The following ATAD2B variants were observed in gnomAD, a reference collection of about 807,000 sequenced individuals.
The protein encoded by ATAD2B is ATPase family AAA domain-containing protein 2B.
Under a neutral mutation model 167.6 loss-of-function variants are expected in ATAD2B, and 40 were observed. The ratio of observed to expected loss-of-function variants is 0.24; its 90% CI spans 0.19 to 0.31. ATAD2B has a LOEUF of 0.31. ATAD2B is among the 10% of genes least tolerant of loss of function. The probability of loss-of-function intolerance (pLI) is 1.00; values close to 1 mark genes in which losing one functional copy is unlikely to be tolerated. For missense variants in ATAD2B, 1,242 were observed against 1,757.2 expected (o/e 0.71, Z 5.24); for synonymous variants, 579 against 596.5 (o/e 0.97, Z 0.43).
intron 1 of ATAD2B, among the ~76,000 whole-genome samples, chr2:23,901,999 T>C (rs1558766932): frequency 6.6e-6 from 1 of 152,228 alleles, no homozygotes; most frequent in Non-Finnish European, 1.5e-5. Context: ...CATTTGCATA[T>C]TCTACTGGCT....
intron 13 of ATAD2B, among the ~76,000 whole-genome samples, chr2:23,841,694 T>C (rs980768611): frequency 6.6e-6 from 1 of 152,106 alleles, no homozygotes; most frequent in African/African-American, 2.4e-5. Flanking sequence ...TTTTTTATTA[T>C]TTGTAGACAC....
intron 19 of ATAD2B, among the ~76,000 whole-genome samples, chr2:23,791,884 T>C (rs1681792835): frequency 1.3e-5 from 2 of 152,320 alleles, no homozygotes; most frequent in South Asian, 4.1e-4. Context: ...TCAATTCTTT[T>C]GAGTAAGTAC....
At chr2:23,744,012 C>T (rs897707260), downstream of ATAD2B, among the ~76,000 whole-genome samples, 4 of 152,130 alleles carry the variant, frequency 2.6e-5, no homozygotes, top group Non-Finnish European at 5.9e-5. Flanking sequence ...CATCATAGTA[C>T]ACTAAATAGT....
intron 21 of ATAD2B, among the ~76,000 whole-genome samples, chr2:23,783,625 TACAA>T (rs1283476686): frequency 2.0e-5 from 3 of 152,104 alleles, no homozygotes; most frequent in South Asian, 4.1e-4. Context: ...TAAAGAAATC[TACAA>T]ACAAACAAAC....
At chr2:23,756,262 G>T (rs1255956250) in intron 25 of ATAD2B, among the ~76,000 whole-genome samples, 2 of 151,920 alleles carry the variant, frequency 1.3e-5, no homozygotes, top group Admixed American at 6.6e-5. Context: ...AAATATTGAA[G>T]AATAAGACAA....
At chr2:23,915,539 G>A (rs1430402579) in intron 1 of ATAD2B, among the ~76,000 whole-genome samples, 2 of 147,198 alleles carry the variant, frequency 1.4e-5, no homozygotes, top group African/African-American at 5.0e-5. Flanking sequence ...TCAGCCTCTT[G>A]AGTAGCTGGG....
chr2:23,681,814 G>C, the ATAD2B span, among the ~76,000 whole-genome samples: 2 of 152,170 alleles, frequency 1.3e-5, no homozygotes, highest in Admixed American at 1.3e-4. The surrounding 1 kb of genome is among the most constrained non-coding windows in gnomAD (Gnocchi z 4.2). Context: ...TACCTGGCTC[G>C]TGGTTTGGGC....
At chr2:23,849,308 T>C (rs1692192989) in intron 13 of ATAD2B, among the ~76,000 whole-genome samples, 1 of 152,150 alleles carries the variant, frequency 6.6e-6, no homozygotes, top group African/African-American at 2.4e-5. Flanking sequence ...TATTATCTGA[T>C]AAAAATAAAT....
intron 6 of ATAD2B, among the ~76,000 whole-genome samples, chr2:23,881,826 C>T (rs775064850): frequency 1.1e-4 from 17 of 151,952 alleles, no homozygotes; most frequent in South Asian, 4.2e-4. Context: ...CAGGCTCAGG[C>T]GATTCGCCTG....
chr2:23,901,370 TTC>T lies in ATAD2B; in HGVS notation c.217-5402_217-5401del, dbSNP rs986192586. On this transcript the variant is annotated intron_variant, in intron 1 of 27. Transcript: ENST00000238789. ...CTATCTCAGGACCCTTTTTTTTTTT[TTC>T]TTCATGAAATCTCCCTGAAGAATCT... Among the ~76,000 whole-genome samples, 150 of 149,538 alleles carry T rather than the reference TTC, an allele frequency of 1.0e-3. 2 individuals are homozygous for T. The highest frequency in any genetic ancestry group is 5.2e-4 in the Non-Finnish European group (35 of 66,682).
chr2:23,834,894 G>A (rs1055251427), intron 13 of ATAD2B, among the ~76,000 whole-genome samples: 9 of 151,868 alleles, frequency 5.9e-5, no homozygotes, highest in Non-Finnish European at 1.2e-4. Context: ...CTCCAAAAAC[G>A]AAAAATATTT....
chr2:23,734,380 G>A, the ATAD2B span, among the ~76,000 whole-genome samples: 2 of 151,964 alleles, frequency 1.3e-5, no homozygotes, highest in African/African-American at 2.4e-5. Flanking sequence ...GGCTGGTCTC[G>A]AACTCCTGAC....
intron 1 of ATAD2B, among the ~76,000 whole-genome samples, chr2:23,910,131 T>C (rs571421179): frequency 3.9e-4 from 59 of 151,344 alleles, no homozygotes; most frequent in Middle Eastern, 6.8e-3. Context: ...CCCAAAATGC[T>C]GGGAATACAG....
intron 15 of ATAD2B, among the ~76,000 whole-genome samples, chr2:23,825,487 C>G (rs1308977385): frequency 3.3e-5 from 5 of 152,058 alleles, no homozygotes; most frequent in African/African-American, 1.2e-4. Context: ...TTCTATTTCT[C>G]AAAGAAACCT....
At chr2:23,907,254 A>T (rs982604032) in intron 1 of ATAD2B, among the ~76,000 whole-genome samples, 2 of 152,306 alleles carry the variant, frequency 1.3e-5, no homozygotes, top group African/African-American at 4.8e-5. Context: ...TAAGCTGATA[A>T]GCAACTTCAG....
At chr2:23,875,211 G>A (rs1696644892) in intron 8 of ATAD2B, among the ~76,000 whole-genome samples, 1 of 151,136 alleles carries the variant, frequency 6.6e-6, no homozygotes, top group South Asian at 2.1e-4. Context: ...ACTTTTAAAA[G>A]TAGAAACTGG....
chr2:23,903,939 TTGGTGGTGG>T (rs370773440), intron 1 of ATAD2B, among the ~76,000 whole-genome samples: 2 of 151,866 alleles, frequency 1.3e-5, no homozygotes, highest in African/African-American at 4.8e-5. Context: ...CCGGTTGTTG[TTGGTGGTGG>T]TGGTGGTGGT....
rs1558605408 is a variant in ATAD2B, at chr2:23,823,584, G to A, written c.1820-15C>T. ...TCCACAGTAGCCTAATACACAAAAG[G>A]AGAAGGATAGCAAAGGTACATTCAT... is the stretch of plus-strand genomic sequence containing the variant. On this transcript the variant is annotated splice_polypyrimidine_tract_variant and intron_variant, in intron 15 of 27. Transcript: ENST00000238789. The A allele has an allele frequency of 6.2e-7, 1 of 1,603,538 alleles. No individual in the cohort carries two copies. Among genetic ancestry groups the A allele is most frequent in the South Asian group, 1.1e-5 (1 of 90,810 alleles).
intron 8 of ATAD2B, among the ~76,000 whole-genome samples, chr2:23,871,536 ACT>A (rs1695978033): frequency 6.6e-6 from 1 of 152,134 alleles, no homozygotes; most frequent in African/African-American, 2.4e-5. Flanking sequence ...TTTCTACCTG[ACT>A]CTGTCTCCTT....
Sources: allele counts gnomAD v4.1 joint callset (sites outside exome capture counted in the v4.1 genomes callset), GRCh38; gene constraint gnomAD v4.1.1; non-coding constraint Gnocchi (gnomAD v3.1); transcripts MANE v1.5; gene names NCBI Gene and HGNC (gene_info 2026-07-23, HGNC 2026-07-21).